Variants in FOXP2 observed in about 807,000 individuals in gnomAD.
The protein encoded by FOXP2 is forkhead box P2, also known as forkhead box protein P2.
In FOXP2, 12 loss-of-function variants were observed where a neutral mutation model predicts 115.8. The ratio of observed to expected loss-of-function variants is 0.10; its 90% CI spans 0.07 to 0.17. The LOEUF (loss-of-function observed/expected upper bound fraction) is 0.17, where lower values mean the gene tolerates loss of function less well. Ranked by LOEUF, FOXP2 falls within the 10% of genes least tolerant of loss-of-function variation. The pLI is 1.00. For synonymous variants in FOXP2, 328 were observed against 297.7 expected (o/e 1.10, Z -1.05); for missense variants, 629 against 843.5 (o/e 0.75, Z 3.15).
At chr7:114,365,189 G>T (rs375095022) in intron 2 of FOXP2, among the ~76,000 whole-genome samples, 3 of 152,050 alleles carry the variant, frequency 2.0e-5, no homozygotes, top group East Asian at 1.9e-4. Flanking sequence ...TCCTTTAAAG[G>T]CAGTATATAT....
At chr7:114,294,868 ATACATACATAC>A (rs1796701481) in intron 2 of FOXP2, among the ~76,000 whole-genome samples, 13 of 150,466 alleles carry the variant, frequency 8.6e-5, no homozygotes, top group Admixed American at 6.6e-4. Flanking sequence ...AAATAAATAC[ATACATACATAC>A]ATACATACAT....
At chr7:114,227,605 C>CT (rs1320048546) in intron 1 of FOXP2, among the ~76,000 whole-genome samples, 3 of 151,980 alleles carry the variant, frequency 2.0e-5, no homozygotes, top group South Asian at 2.1e-4. Context: ...GTCAAACTTA[C>CT]TTTTTTTAAA....
chr7:114,198,228 C>T (rs1019913023), intron 1 of FOXP2, among the ~76,000 whole-genome samples: 58 of 152,060 alleles, frequency 3.8e-4, no homozygotes, highest in African/African-American at 1.4e-3. Flanking sequence ...TACATCTAAG[C>T]AGTGAGCCAT....
intron 2 of FOXP2, among the ~76,000 whole-genome samples, chr7:114,291,138 C>T (rs1383442914): frequency 6.6e-6 from 1 of 152,132 alleles, no homozygotes; most frequent in East Asian, 1.9e-4. Flanking sequence ...AATTTAATTT[C>T]TCACAGTAAT....
chr7:114,432,629 G>T (rs1286162027), intron 2 of FOXP2, among the ~76,000 whole-genome samples: 1 of 151,838 alleles, frequency 6.6e-6, no homozygotes, highest in African/African-American at 2.4e-5. Flanking sequence ...TTAGAAATGG[G>T]AAAATGTGGC....
intron 16 of FOXP2, chr7:114,664,758 T>C (rs1807075084): frequency 5.8e-6 from 2 of 345,756 alleles, no homozygotes; most frequent in Non-Finnish European, 1.1e-5. Flanking sequence ...GTTTGTATGG[T>C]GCAATAAGAA....
At chr7:114,495,481 C>CT (rs1797264521) in intron 2 of FOXP2, among the ~76,000 whole-genome samples, 8 of 81,896 alleles carry the variant, frequency 9.8e-5, no homozygotes, top group African/African-American at 3.8e-4. Flanking sequence ...CTTTCTCTCT[C>CT]TCTTTTTTTT....
intron 3 of FOXP2, among the ~76,000 whole-genome samples, chr7:114,592,088 T>G (rs1228281033): frequency 6.6e-6 from 1 of 152,112 alleles, no homozygotes; most frequent in African/African-American, 2.4e-5. Flanking sequence ...TATAGAGAGT[T>G]TCTGTGAGAT....
intron 3 of FOXP2, 138 bp from the exon 4 acceptor site, chr7:114,628,402 T>G (rs1262146220): frequency 1.8e-6 from 2 of 1,134,866 alleles, no homozygotes; most frequent in East Asian, 5.0e-5. Flanking sequence ...GTAAAGAAGT[T>G]ATAGTAAAAT....
At chr7:114,635,282 A>G (rs1805155896) in intron 6 of FOXP2, among the ~76,000 whole-genome samples, 1 of 152,176 alleles carries the variant, frequency 6.6e-6, no homozygotes, top group Non-Finnish European at 1.5e-5. Context: ...TCCTGGATTT[A>G]CTGCTTAATC....
chr7:114,416,989 A>G (rs1793377760), intron 1 of FOXP2, among the ~76,000 whole-genome samples: 1 of 151,952 alleles, frequency 6.6e-6, no homozygotes, highest in Admixed American at 6.6e-5. Flanking sequence ...AAATACTAAT[A>G]ATCTTTGTAA....
At chr7:114,562,388 A>G (rs2129291643) in intron 3 of FOXP2, among the ~76,000 whole-genome samples, 1 of 152,218 alleles carries the variant, frequency 6.6e-6, no homozygotes, top group Middle Eastern at 3.4e-3. Flanking sequence ...GTACCCTTAA[A>G]GCACTTAAGT....
chr7:114,294,624 T>C (rs888886004), intron 2 of FOXP2, among the ~76,000 whole-genome samples: 12 of 152,074 alleles, frequency 7.9e-5, no homozygotes, highest in African/African-American at 2.9e-4. Context: ...GGGGATCACC[T>C]GAGATCAGGA....
At chr7:114,163,951 A>C (rs973278303) in intron 1 of FOXP2, among the ~76,000 whole-genome samples, 3 of 152,240 alleles carry the variant, frequency 2.0e-5, no homozygotes, top group Admixed American at 6.5e-5. Flanking sequence ...GGTCTTTAAA[A>C]GTTCAAATTC....
At chr7:114,220,878 A>T (rs1431825050) in intron 1 of FOXP2, among the ~76,000 whole-genome samples, 1 of 152,178 alleles carries the variant, frequency 6.6e-6, no homozygotes, top group Non-Finnish European at 1.5e-5. Flanking sequence ...ACTAAAAGAA[A>T]ACTCTCTCGA....
intron 3 of FOXP2, among the ~76,000 whole-genome samples, chr7:114,569,258 G>T (rs2129295161): frequency 6.6e-6 from 1 of 152,022 alleles, no homozygotes. Flanking sequence ...CTGTAAAGCA[G>T]TCAGTTTCTC....
intron 2 of FOXP2, among the ~76,000 whole-genome samples, chr7:114,332,790 A>C (rs900148385): frequency 6.6e-6 from 1 of 152,162 alleles, no homozygotes; most frequent in African/African-American, 2.4e-5. Flanking sequence ...AATCAGGAAT[A>C]AGTTTAAAAG....
intron 3 of FOXP2, among the ~76,000 whole-genome samples, chr7:114,583,922 C>G (rs1469795283): frequency 6.6e-6 from 1 of 152,060 alleles, no homozygotes; most frequent in African/African-American, 2.4e-5. Context: ...TTGCCCTTAA[C>G]TAAAGTTTTG....
chr7:114,676,757 G>A (rs1248489523), intron 16 of FOXP2, among the ~76,000 whole-genome samples: 1 of 152,116 alleles, frequency 6.6e-6, no homozygotes, highest in Non-Finnish European at 1.5e-5. Context: ...ATTATAATAA[G>A]AAAAGATGTA....
Sources: allele counts gnomAD v4.1 joint callset (sites outside exome capture counted in the v4.1 genomes callset), GRCh38; gene constraint gnomAD v4.1.1; transcripts MANE v1.5; gene names NCBI Gene and HGNC (gene_info 2026-07-23, HGNC 2026-07-21).